Variants in ADK observed in about 807,000 individuals in gnomAD.
ADK encodes adenosine kinase.
In ADK, 24 loss-of-function variants were observed where a neutral mutation model predicts 44.7. The observed-to-expected ratio is 0.54, with a 90% confidence interval of 0.39 to 0.76. The LOEUF (loss-of-function observed/expected upper bound fraction) is 0.76, where lower values mean the gene tolerates loss of function less well. ADK is among the 30% of genes least tolerant of loss of function. The probability of loss-of-function intolerance (pLI) is 0.00; values close to 1 mark genes in which losing one functional copy is unlikely to be tolerated. For synonymous variants in ADK, 128 were observed against 142.6 expected, an observed-to-expected ratio of 0.90 and a Z score of 0.73; for missense variants, 321 against 425.1, an observed-to-expected ratio of 0.76 and a Z score of 2.15.
At chr10:74,247,826 CT>C (rs1012906863) in intron 3 of ADK, among the ~76,000 whole-genome samples, 4 of 151,764 alleles carry the variant, frequency 2.6e-5, no homozygotes, top group African/African-American at 7.3e-5. Context: ...GTCTTTTTTC[CT>C]TTTTTTCCCC....
At chr10:74,637,204 G>GT (rs1280724320) in intron 9 of ADK, among the ~76,000 whole-genome samples, 1 of 152,054 alleles carries the variant, frequency 6.6e-6, no homozygotes, top group African/African-American at 2.4e-5. Context: ...CACTAGATGT[G>GT]TTTCATCAAT....
chr10:74,524,046 G>A (rs752345496), intron 6 of ADK, among the ~76,000 whole-genome samples: 30 of 152,108 alleles, frequency 2.0e-4, no homozygotes, highest in Non-Finnish European at 1.9e-4. Flanking sequence ...TAACTTCGCC[G>A]ACCTTTTCAA....
intron 6 of ADK, among the ~76,000 whole-genome samples, chr10:74,492,325 T>C (rs895734349): frequency 1.3e-5 from 2 of 152,090 alleles, no homozygotes. Context: ...CATTTAGTTG[T>C]CATCTCTAGA....
Position 74,224,553 on chromosome 10 carries a change from A to G in ADK, c.156A>G (p.Pro52=). The G allele has an allele frequency of 6.2e-7, 1 of 1,613,796 alleles. No homozygotes were observed. The highest frequency in any genetic ancestry group is 1.3e-5 in the African/African-American group (1 of 75,048). ...TGTTATACAGGTATTCTCTGAAACC[A>G]AATGACCAAATCTTGGCTGAAGACA... The part of the protein sequence containing the change: ...KDFLDKYSLK[P]NDQILAEDKH... Residue 52 remains proline, a synonymous_variant, in exon 3 of 11, where the codon CCA becomes CCG. Coordinates refer to ENST00000539909, the MANE Select transcript of ADK (RefSeq NM_006721.4).
At chr10:74,609,170 G>C (rs1014091536) in intron 9 of ADK, among the ~76,000 whole-genome samples, 2 of 152,156 alleles carry the variant, frequency 1.3e-5, no homozygotes, top group African/African-American at 4.8e-5. Context: ...TTAGCTTGCT[G>C]GGCTCCGTCG....
At chr10:74,303,283 T>C (rs1384470919) in intron 3 of ADK, among the ~76,000 whole-genome samples, 1 of 152,230 alleles carries the variant, frequency 6.6e-6, no homozygotes, top group Admixed American at 6.5e-5. Context: ...TCTATATTTT[T>C]AAAGTTTCCT....
chr10:74,534,258 T>A (rs1363350578), intron 7 of ADK, among the ~76,000 whole-genome samples: 3 of 152,242 alleles, frequency 2.0e-5, no homozygotes, highest in Non-Finnish European at 4.4e-5. Flanking sequence ...GTGCAGATAA[T>A]TGTATGTCAG....
chr10:74,543,034 G>A (rs1359892620), intron 7 of ADK, among the ~76,000 whole-genome samples: 2 of 151,826 alleles, frequency 1.3e-5, no homozygotes, highest in African/African-American at 4.8e-5. Context: ...CCAAGTAGCT[G>A]GGACTACAGG....
chr10:74,645,790 T>A (rs1180150372), intron 9 of ADK, among the ~76,000 whole-genome samples: 7 of 152,218 alleles, frequency 4.6e-5, no homozygotes, highest in Admixed American at 4.6e-4. Context: ...GAACAAGAAC[T>A]TTTAGAAGCA....
chr10:74,176,009 C>T (rs559905128), intron 1 of ADK, among the ~76,000 whole-genome samples: 47 of 151,894 alleles, frequency 3.1e-4, no homozygotes, highest in African/African-American at 1.1e-3. Context: ...CCGCATGCTT[C>T]TTTGGAAAGT....
At chr10:74,557,289 G>A (rs1013765545) in intron 7 of ADK, among the ~76,000 whole-genome samples, 1 of 152,054 alleles carries the variant, frequency 6.6e-6, no homozygotes, top group Admixed American at 6.6e-5. Flanking sequence ...TGTTGATTGT[G>A]TAATATTTTT....
chr10:74,592,461 A>G (rs898493592), intron 8 of ADK, among the ~76,000 whole-genome samples: 11 of 152,180 alleles, frequency 7.2e-5, no homozygotes, highest in Non-Finnish European at 1.6e-4. Flanking sequence ...AAACCTAAAT[A>G]TATATATTCT....
At position 74,607,289 on chromosome 10, in the gene ADK, A is replaced by G. The variant is rs187218972; in HGVS notation, c.877+6796A>G. Among the ~76,000 whole-genome samples, 14 of 152,082 alleles carry G rather than the reference A, an allele frequency of 9.2e-5. No homozygotes were observed. In the East Asian group the frequency reaches 2.5e-3, roughly 27 times the overall value. On this transcript the variant is annotated intron_variant, in intron 9 of 10. Transcript: ENST00000539909. The stretch of plus-strand genomic sequence containing the variant: ...CCTGTCATTATGATGCTAGCTGGTT[A>G]TTTTGCCCGTTAGTTGATGTGGTTT...
At chr10:74,643,906 T>C (rs1484183464) in intron 9 of ADK, among the ~76,000 whole-genome samples, 1 of 152,156 alleles carries the variant, frequency 6.6e-6, no homozygotes, top group East Asian at 1.9e-4. Flanking sequence ...ATAAGGAGAT[T>C]TTAACTAGGC....
At chr10:74,660,458 C>A (rs1854666938) in intron 9 of ADK, among the ~76,000 whole-genome samples, 1 of 152,102 alleles carries the variant, frequency 6.6e-6, no homozygotes, top group Non-Finnish European at 1.5e-5. Context: ...AGAAAATTGG[C>A]CTGGCACAGT....
At chr10:74,332,594 C>T (rs1288608873) in intron 4 of ADK, among the ~76,000 whole-genome samples, 1 of 152,000 alleles carries the variant, frequency 6.6e-6, no homozygotes, top group Non-Finnish European at 1.5e-5. Context: ...TAGAGTTAGG[C>T]AAGGGAAATG....
chr10:74,414,838 A>ACT (rs1844314046), intron 6 of ADK, among the ~76,000 whole-genome samples: 1 of 152,144 alleles, frequency 6.6e-6, no homozygotes, highest in Non-Finnish European at 1.5e-5. Flanking sequence ...TAACACTGTG[A>ACT]TTTTTATACA....
chr10:74,369,829 A>T (rs768026440), intron 4 of ADK, among the ~76,000 whole-genome samples: 2 of 152,184 alleles, frequency 1.3e-5, no homozygotes, highest in Non-Finnish European at 2.9e-5. Context: ...TAGATTAAAA[A>T]ACAGAAGTAA....
At chr10:74,541,377 A>C (rs1849620151) in intron 7 of ADK, among the ~76,000 whole-genome samples, 1 of 152,130 alleles carries the variant, frequency 6.6e-6, no homozygotes, top group Non-Finnish European at 1.5e-5. Flanking sequence ...TACATTTGGA[A>C]AAATCCTAAT....
Sources: gnomAD v4.1 joint callset for allele counts (sites outside exome capture counted in the v4.1 genomes callset) on GRCh38, gnomAD v4.1.1 for gene constraint, MANE v1.5 for transcripts, NCBI Gene and HGNC (gene_info 2026-07-23, HGNC 2026-07-21) for gene names.